The following CDK14 variants were observed in gnomAD, a reference collection of about 807,000 sequenced individuals.
CDK14 encodes the protein cyclin-dependent kinase 14.
A neutral mutation model predicts 60.7 loss-of-function variants in CDK14; 34 were observed. The ratio of observed to expected loss-of-function variants is 0.56; its 90% CI spans 0.43 to 0.75. The LOEUF is 0.75. Ranked by LOEUF, CDK14 falls within the 30% of genes least tolerant of loss-of-function variation. The pLI, the probability that CDK14 is intolerant of heterozygous loss-of-function variation, is 0.00. For synonymous variants in CDK14, 197 were observed against 203.7 expected (o/e 0.97, Z 0.28); for missense variants, 482 against 564.1 (o/e 0.85, Z 1.47).
chr7:90,930,020 A>C (rs1298820028), intron 8 of CDK14, among the ~76,000 whole-genome samples: 1 of 152,248 alleles, frequency 6.6e-6, no homozygotes, highest in Non-Finnish European at 1.5e-5. Flanking sequence ...TGAAGTCTTT[A>C]GAGATTTGAT....
intron 6 of CDK14, among the ~76,000 whole-genome samples, chr7:90,871,375 T>G (rs1791367939): frequency 6.6e-6 from 1 of 152,148 alleles, no homozygotes; most frequent in Non-Finnish European, 1.5e-5. Context: ...AGACTAGTGA[T>G]TTCTTTGGTG....
At chr7:90,663,454 C>G (rs1360562594) in intron 2 of CDK14, among the ~76,000 whole-genome samples, 1 of 152,158 alleles carries the variant, frequency 6.6e-6, no homozygotes, top group Admixed American at 6.6e-5. Context: ...CCTGCATTCT[C>G]CAGTTCTTCC....
intron 3 of CDK14, among the ~76,000 whole-genome samples, chr7:90,736,145 G>A (rs868557109): frequency 4.6e-5 from 7 of 152,028 alleles, no homozygotes; most frequent in African/African-American, 1.7e-4. Flanking sequence ...CCCTCCGTGG[G>A]CTGCACCAAC....
intron 2 of CDK14, among the ~76,000 whole-genome samples, chr7:90,677,218 C>T (rs1271457880): frequency 2.0e-5 from 3 of 152,084 alleles, no homozygotes; most frequent in Non-Finnish European, 4.4e-5. Flanking sequence ...TGGTAAGTTC[C>T]ATGGTTCGTA....
At chr7:91,109,257 A>G (rs1317359958) in intron 12 of CDK14, among the ~76,000 whole-genome samples, 1 of 152,178 alleles carries the variant, frequency 6.6e-6, no homozygotes, top group Non-Finnish European at 1.5e-5. Flanking sequence ...TTTATTATAC[A>G]ATCAGTGAAA....
intron 2 of CDK14, among the ~76,000 whole-genome samples, chr7:90,697,787 G>A (rs763896420): frequency 5.9e-5 from 9 of 152,006 alleles, no homozygotes; most frequent in Middle Eastern, 3.4e-3. Flanking sequence ...AAAGTGTTGC[G>A]GCCGGGCACG....
At chr7:90,931,937 T>C (rs919323762) in intron 8 of CDK14, among the ~76,000 whole-genome samples, 4 of 152,228 alleles carry the variant, frequency 2.6e-5, no homozygotes, top group Non-Finnish European at 5.9e-5. Flanking sequence ...ATACGTTTTT[T>C]TTTCTTACAA....
intron 4 of CDK14, among the ~76,000 whole-genome samples, chr7:90,787,588 A>G (rs1164844821): frequency 1.3e-5 from 2 of 152,216 alleles, no homozygotes; most frequent in African/African-American, 2.4e-5. Flanking sequence ...ATATTCACCC[A>G]GTGAAATCTA....
At chr7:90,763,742 C>A in intron 4 of CDK14, among the ~76,000 whole-genome samples, 1 of 151,950 alleles carries the variant, frequency 6.6e-6, no homozygotes, top group East Asian at 1.9e-4. Context: ...TGCAGCAAAC[C>A]AACACAGCAC....
At chr7:91,132,866 A>G (rs970572619) in intron 14 of CDK14, among the ~76,000 whole-genome samples, 6 of 152,098 alleles carry the variant, frequency 3.9e-5, no homozygotes, top group African/African-American at 1.4e-4. Flanking sequence ...CTCTGTTGTG[A>G]CTCTGTTACA....
chr7:91,026,407 C>T (rs146577759), intron 10 of CDK14, among the ~76,000 whole-genome samples: 172 of 152,248 alleles, frequency 1.1e-3, no homozygotes, highest in African/African-American at 3.7e-3. Flanking sequence ...TGTTGATAAT[C>T]CAGAGTGAAA....
In CDK14 at chr7:91,079,455, A is replaced by G; in HGVS notation, c.1129A>G (p.Lys377Glu). The G allele has an allele frequency of 6.2e-7, 1 of 1,601,908 alleles. No homozygotes were observed. The highest frequency in any genetic ancestry group is 1.1e-5 in the South Asian group (1 of 90,206). Residue 377 changes from lysine to glutamate, a missense_variant, in exon 12 of 15, where the codon AAA (lysine) becomes GAA (glutamate). Coordinates refer to ENST00000380050, the MANE Select transcript of CDK14 (RefSeq NM_001287135.2). Reference sequence around the variant, plus strand: ...AGAACGCTTTACCCTGTACAGCTCTAAAAACCTTAGACAAGCATGGAATAA... The same window carrying G: ...AGAACGCTTTACCCTGTACAGCTCTGAAAACCTTAGACAAGCATGGAATAA... ...KPERFTLYSS[K>E]NLRQAWNKLS...
At chr7:91,139,815 TTTTCTTTTC>T (rs1800398449) in intron 14 of CDK14, among the ~76,000 whole-genome samples, 1 of 132,274 alleles carries the variant, frequency 7.6e-6, no homozygotes, top group Non-Finnish European at 1.7e-5. Flanking sequence ...TCTTTCTTTC[TTTTCTTTTC>T]TTTCTTGCTC....
chr7:90,963,121 G>GTGTGTGTGTT lies in CDK14; in HGVS notation c.947+7307_947+7308insGTGTGTTTGT, dbSNP rs1267435147. On this transcript the variant is annotated intron_variant, in intron 9 of 14. Coordinates refer to ENST00000380050, the MANE Select transcript of CDK14 (RefSeq NM_001287135.2). ...TGTGTGTGTGTGTGTGTGTGTGTGT[G>GTGTGTGTGTT]TGTTTTAATTTAGAAATATATAGGC... Among the ~76,000 whole-genome samples the GTGTGTGTGTT allele has an allele frequency of 1.8e-3, 260 of 142,322 alleles. 3 individuals are homozygous for GTGTGTGTGTT. The highest frequency in any genetic ancestry group is 0.018 in the East Asian group (89 of 4,932). 93.4% of individuals were successfully genotyped at this position (142,322 alleles called of 152,430 possible). A position where few individuals can be genotyped will look rare whatever the true frequency, so the allele number is the denominator to read the frequency against.
At chr7:90,715,210 G>T (rs1041739633) in intron 2 of CDK14, among the ~76,000 whole-genome samples, 1 of 152,060 alleles carries the variant, frequency 6.6e-6, no homozygotes, top group Non-Finnish European at 1.5e-5. Flanking sequence ...GGGTGGTTTA[G>T]TGAAACTCAA....
intron 1 of CDK14, among the ~76,000 whole-genome samples, chr7:90,597,942 A>T (rs774425142): frequency 4.5e-4 from 65 of 145,516 alleles, no homozygotes; most frequent in Admixed American, 1.8e-3. Context: ...AGTTTTATTT[A>T]TTGCATGTAT....
intron 11 of CDK14, among the ~76,000 whole-genome samples, chr7:91,071,933 C>T (rs1456155206): frequency 6.6e-6 from 1 of 152,238 alleles, no homozygotes; most frequent in Non-Finnish European, 1.5e-5. Flanking sequence ...CTGACCCTGA[C>T]TCATCTTTTC....
intron 5 of CDK14, among the ~76,000 whole-genome samples, chr7:90,805,631 G>A (rs769912151): frequency 6.6e-5 from 10 of 151,888 alleles, no homozygotes; most frequent in South Asian, 6.2e-4. Flanking sequence ...AGAAATAAAG[G>A]AAGATTAAAA....
At chr7:91,152,504 G>A (rs891345308) in intron 14 of CDK14, among the ~76,000 whole-genome samples, 1 of 152,148 alleles carries the variant, frequency 6.6e-6, no homozygotes, top group Admixed American at 6.5e-5. Context: ...CATAAGTCAT[G>A]TGAAAGTTGC....
Sources: allele counts gnomAD v4.1 joint callset (sites outside exome capture counted in the v4.1 genomes callset), GRCh38; gene constraint gnomAD v4.1.1; transcripts MANE v1.5; gene names NCBI Gene and HGNC (gene_info 2026-07-23, HGNC 2026-07-21).